Variants in PFKFB3 observed in about 807,000 individuals in gnomAD.
PFKFB3 encodes 6-phosphofructo-2-kinase/fructose-2,6-biphosphatase 3, also known as 6-phosphofructo-2-kinase/fructose-2,6-bisphosphatase 3.
PFKFB3 carries 33 observed loss-of-function variants against 68.0 expected under a neutral mutation model. The observed-to-expected ratio is 0.49, with a 90% CI of 0.37 to 0.65. The LOEUF (loss-of-function observed/expected upper bound fraction) is 0.65. PFKFB3 is among the 30% of genes least tolerant of loss of function. The probability of loss-of-function intolerance (pLI) is 0.00; values close to 1 mark genes in which losing one functional copy is unlikely to be tolerated. For missense variants in PFKFB3, 586 were observed against 712.2 expected, an observed-to-expected ratio of 0.82 and a Z score of 2.02; for synonymous variants, 315 against 288.2, an observed-to-expected ratio of 1.09 and a Z score of -0.94.
At chr10:6,200,759 CAT>C (rs1446398692), upstream of PFKFB3, among the ~76,000 whole-genome samples, 1 of 149,974 alleles carries the variant, frequency 6.7e-6, no homozygotes, top group South Asian at 2.1e-4. Flanking sequence ...GGGGGAAGAA[CAT>C]AGTCTTCCCT....
At chr10:6,157,718 T>C (rs1841851578) in intron 1 of PFKFB3, among the ~76,000 whole-genome samples, 1 of 152,244 alleles carries the variant, frequency 6.6e-6, no homozygotes, top group Non-Finnish European at 1.5e-5. Flanking sequence ...TCCTGGATTA[T>C]AGAAAGGCTT....
chr10:6,284,130 T>C, the PFKFB3 span, among the ~76,000 whole-genome samples: 2 of 152,222 alleles, frequency 1.3e-5, no homozygotes, highest in Non-Finnish European at 2.9e-5. Flanking sequence ...GAATGTTCCA[T>C]GTGAGCTTGA....
At chr10:6,308,648 TA>T in the PFKFB3 span, among the ~76,000 whole-genome samples, 36,105 of 151,996 alleles carry the variant, frequency 0.24, 4,546 homozygotes, top group East Asian at 0.44. Context: ...TGTTCTCTTT[TA>T]AAAAAAACAT....
intron 1 of PFKFB3, among the ~76,000 whole-genome samples, chr10:6,169,875 T>G (rs1280449915): frequency 6.6e-6 from 1 of 152,228 alleles, no homozygotes; most frequent in Admixed American, 6.5e-5. Context: ...GTGTATTTCC[T>G]TAAACCTTTC....
intron 14 of PFKFB3, among the ~76,000 whole-genome samples, chr10:6,249,813 T>C (rs1232263527): frequency 6.6e-6 from 1 of 152,116 alleles, no homozygotes; most frequent in African/African-American, 2.4e-5. Context: ...CATTTCAAAA[T>C]TGCTAAGGGA....
intron 1 of PFKFB3, among the ~76,000 whole-genome samples, chr10:6,169,066 A>G (rs957699394): frequency 6.6e-6 from 1 of 152,244 alleles, no homozygotes; most frequent in Admixed American, 6.5e-5. Context: ...TCAGCCTCCC[A>G]AGTAGCTGGG....
chr10:6,304,452 C>T, the PFKFB3 span, among the ~76,000 whole-genome samples: 834 of 150,344 alleles, frequency 5.5e-3, 6 homozygotes, highest in Non-Finnish European at 8.8e-3. Flanking sequence ...CCATCCTCTG[C>T]GGGCTACTAC....
At chr10:6,323,659 T>A in the PFKFB3 span, among the ~76,000 whole-genome samples, 1 of 152,180 alleles carries the variant, frequency 6.6e-6, no homozygotes, top group Admixed American at 6.5e-5. Context: ...GGATTTCAGG[T>A]CAGAATTGTT....
At chr10:6,169,159 C>CAGGATGG (rs1279293570) in intron 1 of PFKFB3, among the ~76,000 whole-genome samples, 2 of 152,172 alleles carry the variant, frequency 1.3e-5, no homozygotes, top group African/African-American at 4.8e-5. Context: ...CCAGGATGGT[C>CAGGATGG]TCGAACTCTT....
intron 1 of PFKFB3, 62 bp from the exon 2 acceptor site, chr10:6,213,561 G>T: frequency 6.4e-7 from 1 of 1,555,142 alleles, no homozygotes; most frequent in South Asian, 1.2e-5. Flanking sequence ...GTTGGGTGTG[G>T]CCTCTGCTCC....
the PFKFB3 span, among the ~76,000 whole-genome samples, chr10:6,265,811 A>G: frequency 6.6e-6 from 1 of 152,012 alleles, no homozygotes; most frequent in South Asian, 2.1e-4. Context: ...CAGAAACATA[A>G]TTTTCCAGCT....
At chr10:6,311,481 C>A in the PFKFB3 span, among the ~76,000 whole-genome samples, 5,289 of 152,194 alleles carry the variant, frequency 0.035, 138 homozygotes, top group Middle Eastern at 0.15. Flanking sequence ...TGGCTGGGCC[C>A]AGTGGCTCTC....
At chr10:6,221,005 G>A (rs752399682) in intron 8 of PFKFB3, 140 bp downstream of exon 8, 2 of 807,324 alleles carry the variant, frequency 2.5e-6, no homozygotes, top group African/African-American at 1.7e-5. Context: ...CTGTGTGTGC[G>A]CCTGCACGTC....
the PFKFB3 span, among the ~76,000 whole-genome samples, chr10:6,300,621 A>G: frequency 2.6e-3 from 389 of 152,344 alleles, 11 homozygotes; most frequent in East Asian, 0.067. Context: ...GATCGTTAGC[A>G]GGAAACGATG....
intron 1 of PFKFB3, among the ~76,000 whole-genome samples, chr10:6,207,388 T>C (rs543546201): frequency 9.8e-5 from 15 of 152,292 alleles, no homozygotes; most frequent in East Asian, 1.9e-4. Flanking sequence ...ATGGCAGCAG[T>C]ACAGTCCAGC....
chr10:6,207,363 T>C (rs1296916519), intron 1 of PFKFB3, among the ~76,000 whole-genome samples: 1 of 151,954 alleles, frequency 6.6e-6, no homozygotes, highest in Non-Finnish European at 1.5e-5. Context: ...GGCAGGGAGG[T>C]TGCAGTGAGC....
chr10:6,193,639 G>T (rs1843091075), intron 1 of PFKFB3, among the ~76,000 whole-genome samples: 1 of 152,236 alleles, frequency 6.6e-6, no homozygotes, highest in Non-Finnish European at 1.5e-5. Context: ...CCTGGGTGCA[G>T]GCGGGCTGAG....
chr10:6,198,139 A>T (rs752478506), upstream of PFKFB3, among the ~76,000 whole-genome samples: 1 of 151,896 alleles, frequency 6.6e-6, no homozygotes, highest in African/African-American at 2.4e-5. Context: ...CCAGTTACTC[A>T]GGAGGCTGAG....
At chr10:6,276,381 G>A in the PFKFB3 span, among the ~76,000 whole-genome samples, 1 of 150,516 alleles carries the variant, frequency 6.6e-6, no homozygotes, top group Admixed American at 6.6e-5. Flanking sequence ...TTTCATAAAA[G>A]GGCCATGCTT....
Sources: gnomAD v4.1 joint callset for allele counts (sites outside exome capture counted in the v4.1 genomes callset) on GRCh38, gnomAD v4.1.1 for gene constraint, MANE v1.5 for transcripts, NCBI Gene and HGNC (gene_info 2026-07-23, HGNC 2026-07-21) for gene names.